The following SEMA3C variants were observed in gnomAD, a reference collection of about 807,000 sequenced individuals.
SEMA3C encodes semaphorin 3C.
In SEMA3C, 47 loss-of-function variants were observed where a neutral mutation model predicts 89.4. The ratio of observed to expected loss-of-function variants is 0.53; its 90% CI spans 0.42 to 0.67. The LOEUF (loss-of-function observed/expected upper bound fraction) is 0.67. Among genes scored for constraint, SEMA3C ranks in the 30% least tolerant of loss-of-function variants. SEMA3C has a pLI of 0.00. For synonymous variants in SEMA3C, 310 were observed against 320.2 expected (o/e 0.97, Z 0.34); for missense variants, 839 against 929.1 (o/e 0.90, Z 1.26).
At chr7:80,864,751 G>T (rs1790886241) in intron 2 of SEMA3C, among the ~76,000 whole-genome samples, 1 of 152,080 alleles carries the variant, frequency 6.6e-6, no homozygotes, top group African/African-American at 2.4e-5. Flanking sequence ...CCTGAGCTAT[G>T]AAATTCTCAT....
At chr7:80,840,535 A>G (rs1790240098) in intron 2 of SEMA3C, among the ~76,000 whole-genome samples, 1 of 142,432 alleles carries the variant, frequency 7.0e-6, no homozygotes, top group Admixed American at 7.2e-5. Flanking sequence ...AAAAAAAAAA[A>G]AAAAAAAAGA....
At chr7:80,828,563 C>T in intron 3 of SEMA3C, 22 bp downstream of exon 3, 2 of 1,575,792 alleles carry the variant, frequency 1.3e-6, no homozygotes, top group South Asian at 1.2e-5. Context: ...GGACACTGTC[C>T]TCGTGAAAGT....
intron 2 of SEMA3C, among the ~76,000 whole-genome samples, chr7:80,879,607 T>C (rs1177882839): frequency 6.6e-6 from 1 of 152,216 alleles, no homozygotes; most frequent in Non-Finnish European, 1.5e-5. Context: ...TGAGTTATGC[T>C]ATAGAGTCTA....
In SEMA3C at chr7:80,789,065, T is replaced by C. The variant is rs138646597; in HGVS notation, c.1354+241A>G. Among the ~76,000 whole-genome samples the C allele has an allele frequency of 3.3e-3, 506 of 152,118 alleles. 4 individuals are homozygous for C. The highest frequency in any genetic ancestry group is 0.011 in the African/African-American group (459 of 41,524). On this transcript the variant is annotated intron_variant, in intron 12 of 17. Coordinates refer to ENST00000265361, the MANE Select transcript of SEMA3C (RefSeq NM_006379.5). ...AATCATATAGCCCTACCTACATATA[T>C]ATATTATATAATGTATATATCTCTA... is the stretch of plus-strand genomic sequence containing the variant.
chr7:80,778,816 T>C (rs1380950654), intron 12 of SEMA3C, among the ~76,000 whole-genome samples: 2 of 152,208 alleles, frequency 1.3e-5, no homozygotes, highest in Non-Finnish European at 2.9e-5. Context: ...CCACCGCATC[T>C]TCCTTCCTTT....
upstream of SEMA3C, chr7:80,919,157 T>A (rs1792352431): frequency 1.0e-6 from 1 of 984,496 alleles, no homozygotes; most frequent in African/African-American, 1.7e-5. Context: ...CAGGCTCGCA[T>A]CACCACCGCG....
chr7:80,863,923 T>TCA (rs1362499892), intron 2 of SEMA3C, among the ~76,000 whole-genome samples: 3 of 118,912 alleles, frequency 2.5e-5, no homozygotes, highest in Non-Finnish European at 3.3e-5. Flanking sequence ...CACATATATA[T>TCA]CATATATATC....
intron 12 of SEMA3C, among the ~76,000 whole-genome samples, chr7:80,769,737 T>C (rs1410754539): frequency 6.6e-6 from 1 of 151,688 alleles, no homozygotes; most frequent in African/African-American, 2.4e-5. Flanking sequence ...CAGGCGCCTG[T>C]AAATCCAGTT....
In SEMA3C at chr7:80,827,532, T is replaced by C. The variant is rs771165839; in HGVS notation, c.265-45A>G. The C allele has an allele frequency of 2.6e-5, 39 of 1,509,064 alleles. 1 individual carries two copies. In the East Asian group the frequency reaches 9.2e-4, roughly 35 times the overall value. The allele number at this position is 1,509,064 out of a possible 1,614,324, so 93.5% of individuals were successfully genotyped here. A position where few individuals can be genotyped will look rare whatever the true frequency, so the allele number is the denominator to read the frequency against. On this transcript the variant is annotated intron_variant, in intron 3 of 17. Transcript: ENST00000265361. ...AAGGTTGCATAATCTCACCTGGACA[T>C]ATGACAGCCCAGTGCTCTTCATTTA...
intron 12 of SEMA3C, among the ~76,000 whole-genome samples, chr7:80,784,767 T>C (rs944515025): frequency 1.3e-5 from 2 of 152,202 alleles, no homozygotes; most frequent in African/African-American, 4.8e-5. Context: ...ACTTTCTCTA[T>C]GGACACTGAA....
intron 2 of SEMA3C, among the ~76,000 whole-genome samples, chr7:80,881,160 AAGAAACACAC>A: frequency 7.5e-6 from 1 of 134,044 alleles, no homozygotes; most frequent in Non-Finnish European, 1.6e-5. Flanking sequence ...TGCCTGGAGA[AAGAAACACAC>A]ACACACACAC....
chr7:80,760,609 T>C (rs1187115434), intron 14 of SEMA3C, among the ~76,000 whole-genome samples: 1 of 152,222 alleles, frequency 6.6e-6, no homozygotes, highest in African/African-American at 2.4e-5. Context: ...ACTTCATCTG[T>C]AACAAACCAA....
intron 2 of SEMA3C, among the ~76,000 whole-genome samples, chr7:80,880,987 T>C (rs1401568037): frequency 6.6e-6 from 1 of 151,970 alleles, no homozygotes; most frequent in Non-Finnish European, 1.5e-5. Flanking sequence ...ATCATACCCT[T>C]TAAGGGAGTC....
chr7:80,754,957 G>GTTTTTTTTTTTTTTTTTTTTTTT (rs1368382376), intron 15 of SEMA3C, among the ~76,000 whole-genome samples: 13 of 108,388 alleles, frequency 1.2e-4, no homozygotes, highest in Non-Finnish European at 1.5e-4. Flanking sequence ...GTTTTTTTTT[G>GTTTTTTTTTTTTTTTTTTTTTTT]TTTTTTTTTT....
chr7:80,814,367 C>T (rs1308828808), intron 5 of SEMA3C, among the ~76,000 whole-genome samples: 3 of 152,058 alleles, frequency 2.0e-5, no homozygotes, highest in Non-Finnish European at 2.9e-5. Context: ...TGATTACAGG[C>T]GTGAGCCACC....
In SEMA3C at chr7:80,802,753, A is replaced by C; in HGVS notation, c.828T>G (p.Leu276=). 6.2e-7 allele frequency: 1 copy of C among 1,613,192 alleles called. No individual in the cohort carries two copies. Among genetic ancestry groups the C allele is most frequent in the South Asian group, 1.1e-5 (1 of 91,060 alleles). ...TTAAGAAAGTGGTCCACTTGTTGAC[A>C]AGGCTACGCAGTCCACCAGTGTCAT... is the stretch of plus-strand genomic sequence containing the variant. The part of the protein sequence containing the change: ...CPNDTGGLRS[L]VNKWTTFLKA... The change falls in exon 9 of 18, where the codon CTT becomes CTG. Residue 276 remains leucine (L), a synonymous_variant. Coordinates refer to ENST00000265361, the MANE Select transcript of SEMA3C (RefSeq NM_006379.5).
intron 16 of SEMA3C, among the ~76,000 whole-genome samples, chr7:80,749,526 TTGG>T (rs1304272676): frequency 1.3e-5 from 2 of 152,154 alleles, no homozygotes; most frequent in Non-Finnish European, 1.5e-5. Flanking sequence ...TATTGTGGCC[TTGG>T]TGGAATGTAG....
intron 12 of SEMA3C, among the ~76,000 whole-genome samples, chr7:80,777,285 T>C (rs1178799583): frequency 2.0e-5 from 3 of 152,058 alleles, no homozygotes; most frequent in Non-Finnish European, 4.4e-5. Flanking sequence ...TCTAATAAAT[T>C]ATTTTTTATT....
intron 2 of SEMA3C, among the ~76,000 whole-genome samples, chr7:80,846,489 T>C (rs112583827): frequency 1.3e-5 from 2 of 152,296 alleles, no homozygotes; most frequent in African/African-American, 4.8e-5. Flanking sequence ...CCTGAGTACC[T>C]AGGACTACGG....
Sources: allele counts gnomAD v4.1 joint callset (sites outside exome capture counted in the v4.1 genomes callset), GRCh38; gene constraint gnomAD v4.1.1; transcripts MANE v1.5; gene names NCBI Gene and HGNC (gene_info 2026-07-23, HGNC 2026-07-21).